LUZP1: variants seen among roughly 807,000 people sequenced by gnomAD.
LUZP1 encodes leucine zipper protein 1.
In LUZP1, 25 loss-of-function variants were observed where a neutral mutation model predicts 71.3. The observed-to-expected ratio is 0.35, with a 90% CI of 0.26 to 0.49. The LOEUF (loss-of-function observed/expected upper bound fraction) is 0.49. Ranked by LOEUF, LUZP1 falls within the 20% of genes least tolerant of loss-of-function variation. The pLI, the probability that LUZP1 is intolerant of heterozygous loss-of-function variation, is 0.99. For synonymous variants in LUZP1, 481 were observed against 506.4 expected (o/e 0.95, Z 0.67); for missense variants, 1,142 against 1,300.8 (o/e 0.88, Z 1.88).
At chr1:23,085,219 A>AC (rs1363226199) in exon 5 of LUZP1, 2 of 152,570 alleles carry the variant, frequency 1.3e-5, no homozygotes, top group Admixed American at 6.5e-5. Context: ...GTAGGTGTGG[A>AC]CCAACAGGCT....
At chr1:23,151,314 G>C (rs12046218) in intron 2 of LUZP1, among the ~76,000 whole-genome samples, 25,360 of 152,084 alleles carry the variant, frequency 0.17, 2,183 homozygotes, top group East Asian at 0.27. Flanking sequence ...AAAGTGCTGG[G>C]ATTACAGACA....
intron 2 of LUZP1, among the ~76,000 whole-genome samples, chr1:23,149,079 T>TAA (rs58910170): frequency 0.027 from 1,025 of 37,362 alleles, 90 homozygotes; most frequent in African/African-American, 0.11. Context: ...ACACCTTGCC[T>TAA]AAAAAAAAAA....
chr1:23,121,585 T>C (rs886118600), intron 2 of LUZP1, among the ~76,000 whole-genome samples: 1 of 152,124 alleles, frequency 6.6e-6, no homozygotes, highest in African/African-American at 2.4e-5. Flanking sequence ...TCAGGCGTAG[T>C]GGCACACACC....
chr1:23,151,653 G>A (rs533011522), intron 2 of LUZP1, among the ~76,000 whole-genome samples: 4 of 152,186 alleles, frequency 2.6e-5, no homozygotes, highest in Non-Finnish European at 4.4e-5. Context: ...ATTTCATGAG[G>A]CAGTTGTAAA....
At chr1:23,090,761 G>A (rs1643839654) in intron 4 of LUZP1, 8 of 671,446 alleles carry the variant, frequency 1.2e-5, no homozygotes, top group South Asian at 1.1e-4. Flanking sequence ...AGAACTTGCT[G>A]ACCTGGCTCC....
intron 1 of LUZP1, among the ~76,000 whole-genome samples, chr1:23,172,496 C>CA (rs200430527): frequency 6.1e-5 from 9 of 148,360 alleles, no homozygotes; most frequent in South Asian, 2.1e-4. Context: ...CCTGTCTTTA[C>CA]AAAAAAAAAT....
At chr1:23,129,462 T>C (rs1308420424) in intron 2 of LUZP1, among the ~76,000 whole-genome samples, 1 of 152,126 alleles carries the variant, frequency 6.6e-6, no homozygotes, top group East Asian at 1.9e-4. Flanking sequence ...ATGCCTGTAA[T>C]CCCAGCTACT....
At chr1:23,101,773 G>A (rs1041688416) in intron 3 of LUZP1, among the ~76,000 whole-genome samples, 1 of 152,166 alleles carries the variant, frequency 6.6e-6, no homozygotes, top group Non-Finnish European at 1.5e-5. Context: ...TCATCCAAAA[G>A]CAAAGTAGAC....
chr1:23,168,950 C>CT (rs142471310), exon 2 of LUZP1: 7,525 of 152,318 alleles, frequency 0.049, 437 homozygotes, highest in Admixed American at 0.17. Context: ...CCCCTCCGTC[C>CT]TTTTTTTCCC....
intron 2 of LUZP1, among the ~76,000 whole-genome samples, chr1:23,115,488 G>T (rs377007746): frequency 6.6e-6 from 1 of 152,236 alleles, no homozygotes; most frequent in East Asian, 1.9e-4. Flanking sequence ...ATAAAACTAG[G>T]TTGAGATTAA....
intron 2 of LUZP1, among the ~76,000 whole-genome samples, chr1:23,124,775 C>T (rs1185405698): frequency 1.3e-5 from 2 of 152,072 alleles, no homozygotes; most frequent in African/African-American, 4.8e-5. Flanking sequence ...TGAAGGAATC[C>T]ACATCACCTG....
At chr1:23,142,425 T>G (rs1316492060) in intron 2 of LUZP1, among the ~76,000 whole-genome samples, 1 of 152,156 alleles carries the variant, frequency 6.6e-6, no homozygotes, top group Non-Finnish European at 1.5e-5. Context: ...AGGCAATGTT[T>G]TTCTTTTTGG....
chr1:23,110,835 G>A (rs1644024699), intron 2 of LUZP1, among the ~76,000 whole-genome samples: 1 of 152,110 alleles, frequency 6.6e-6, no homozygotes, highest in South Asian at 2.1e-4. Context: ...GTCACACTAT[G>A]TCACCCAGGC....
At chr1:23,105,066 A>G (rs1643969782) in intron 3 of LUZP1, among the ~76,000 whole-genome samples, 1 of 152,230 alleles carries the variant, frequency 6.6e-6, no homozygotes, top group African/African-American at 2.4e-5. Flanking sequence ...TGCAACCTGT[A>G]TTGGACAAAG....
chr1:23,106,743 C>A (rs1402402115), intron 3 of LUZP1, among the ~76,000 whole-genome samples: 1 of 152,152 alleles, frequency 6.6e-6, no homozygotes, highest in Non-Finnish European at 1.5e-5. Flanking sequence ...TCCAACCTAC[C>A]ATCATCCCTG....
chr1:23,092,248 T>C (rs1461931542), exon 4 of LUZP1: 1 of 1,614,210 alleles, frequency 6.2e-7, no homozygotes, highest in South Asian at 1.1e-5. Flanking sequence ...TTTACCAACT[T>C]GGCAGTAACA....
intron 3 of LUZP1, among the ~76,000 whole-genome samples, chr1:23,095,751 A>C (rs1057083015): frequency 6.6e-6 from 1 of 152,206 alleles, no homozygotes; most frequent in African/African-American, 2.4e-5. Flanking sequence ...GATTATCCCT[A>C]GAGAATTTAT....
chr1:23,111,419 G>T (rs1644031699), intron 2 of LUZP1, among the ~76,000 whole-genome samples: 1 of 151,918 alleles, frequency 6.6e-6, no homozygotes, highest in African/African-American at 2.4e-5. Flanking sequence ...AATTAGCTGG[G>T]CATGGTGATG....
intron 3 of LUZP1, among the ~76,000 whole-genome samples, chr1:23,107,603 C>A (rs543746926): frequency 6.6e-6 from 1 of 152,132 alleles, no homozygotes. Context: ...GAGTTCAAGA[C>A]CAGCCTGGCC....
Sources: gnomAD v4.1 joint callset for allele counts (sites outside exome capture counted in the v4.1 genomes callset) on GRCh38, gnomAD v4.1.1 for gene constraint, MANE v1.5 for transcripts, NCBI Gene and HGNC (gene_info 2026-07-23, HGNC 2026-07-21) for gene names.